EHMT1: variants seen among roughly 807,000 people sequenced by gnomAD.
EHMT1 encodes the protein euchromatic histone lysine methyltransferase 1, also known as histone-lysine N-methyltransferase EHMT1.
A neutral mutation model predicts 147.2 loss-of-function variants in EHMT1; 15 were observed. The ratio of observed to expected loss-of-function variants is 0.10; its 90% CI spans 0.07 to 0.16. The LOEUF is 0.16. Among genes scored for constraint, EHMT1 ranks in the 10% least tolerant of loss-of-function variants. The pLI is 1.00. For missense variants in EHMT1, 1,587 were observed against 1,772.4 expected (o/e 0.90, Z 1.88); for synonymous variants, 795 against 709.6 (o/e 1.12, Z -1.91).
chr9:137,717,682 G>A lies in EHMT1; in HGVS notation c.642+500G>A, dbSNP rs572162757. Among the ~76,000 whole-genome samples, 29 of 151,500 alleles carry A rather than the reference G, an allele frequency of 1.9e-4. No homozygotes were observed. The South Asian group carries it at 6.1e-3, about 32-fold the overall frequency. The stretch of plus-strand genomic sequence containing the variant: ...ACAAAGCGGAGTGATGCCAGGTGAC[G>A]CCTCGCTTCCTTCTTGTGCTTTCTC... On this transcript the variant is annotated intron_variant, in intron 3 of 26. Transcript: ENST00000460843.
At position 137,725,765 on chromosome 9, in the gene EHMT1, G is replaced by C. The variant is rs567149172; in HGVS notation, c.643-2584G>C. On this transcript the variant is annotated intron_variant, in intron 3 of 26. Transcript: ENST00000460843. ...ACAGACAGAGTGCGCCTGTGAGACA[G>C]AGAGAGGTGGAGACCGTGAGGCCGT... 3.9e-5 allele frequency among the ~76,000 whole-genome samples: 6 copies of C among 152,068 alleles called. No homozygotes were observed. The South Asian group carries it at 1.2e-3, about 32-fold the overall frequency.
intron 14 of EHMT1, among the ~76,000 whole-genome samples, chr9:137,781,810 T>G (rs1390737531): frequency 2.0e-5 from 3 of 152,184 alleles, no homozygotes; most frequent in Admixed American, 2.0e-4. Flanking sequence ...ACCAGCAGTT[T>G]TAATCATTTT....
chr9:137,728,422 A>G lies in EHMT1; in HGVS notation c.716A>G (p.Lys239Arg), dbSNP rs778733047. ...DHKEPKEEIN[K>R]NISDFGRQQL... ...AAGGAACCAAAAGAGGAGATCAACAAAAACATTTCTGACTTTGGACGACAG... is the reference window on the plus strand; with the variant it reads ...AAGGAACCAAAAGAGGAGATCAACAGAAACATTTCTGACTTTGGACGACAG... The change falls in exon 4 of 27, where the codon AAA becomes AGA. Residue 239 changes from lysine to arginine, a missense_variant. Lys to Arg is a conservative substitution (Grantham distance 26). This residue lies in a region of EHMT1 where 810 missense variants were observed against 673.0 expected (regional missense o/e 1.20). Transcript: ENST00000460843. The G allele has an allele frequency of 1.4e-5, 22 of 1,614,082 alleles. No individual in the cohort carries two copies. Among genetic ancestry groups the G allele is most frequent in the Non-Finnish European group, 1.9e-5 (22 of 1,180,054 alleles).
At chr9:137,681,917 A>G (rs1360949025) in intron 1 of EHMT1, among the ~76,000 whole-genome samples, 1 of 151,768 alleles carries the variant, frequency 6.6e-6, no homozygotes, top group Non-Finnish European at 1.5e-5. Context: ...CTCTCCTCAC[A>G]GTGAAACCGT....
intron 1 of EHMT1, among the ~76,000 whole-genome samples, chr9:137,634,843 C>A (rs781292804): frequency 2.1e-5 from 3 of 146,298 alleles, no homozygotes; most frequent in Non-Finnish European, 4.5e-5. Context: ...GCTGGGACTA[C>A]AGGCGCCCCC....
chr9:137,646,086 G>A (rs1052572240), intron 1 of EHMT1, among the ~76,000 whole-genome samples: 1 of 152,138 alleles, frequency 6.6e-6, no homozygotes, highest in African/African-American at 2.4e-5. Context: ...AGCCTCCCGC[G>A]TAGCTGGGAT....
chr9:137,680,495 T>A (rs1174731530), intron 1 of EHMT1, among the ~76,000 whole-genome samples: 1 of 152,164 alleles, frequency 6.6e-6, no homozygotes, highest in Non-Finnish European at 1.5e-5. Context: ...ATCAAGTGGG[T>A]CATAATTTGC....
Position 137,812,699 on chromosome 9 carries a change from T to A in EHMT1, c.2868-307T>A, listed in dbSNP as rs73578859. On this transcript the variant is annotated intron_variant, in intron 19 of 26. Transcript: ENST00000460843. ...TCCCTCCTTGCTTCCCTTCTTATCCTTGAGGGTAAATTTGAATGAAAAATC... is the reference window on the plus strand; with the variant it reads ...TCCCTCCTTGCTTCCCTTCTTATCCATGAGGGTAAATTTGAATGAAAAATC... 0.014 allele frequency among the ~76,000 whole-genome samples: 2,183 copies of A among 152,362 alleles called. 56 individuals are homozygous for A. The highest frequency in any genetic ancestry group is 0.049 in the African/African-American group (2,034 of 41,588).
chr9:137,772,495 C>T (rs1311178997), intron 10 of EHMT1, among the ~76,000 whole-genome samples: 1 of 152,170 alleles, frequency 6.6e-6, no homozygotes, highest in Non-Finnish European at 1.5e-5. Flanking sequence ...GCATGGACCT[C>T]GTCTGAGGCT....
chr9:137,663,774 A>G (rs1251523508), intron 1 of EHMT1, among the ~76,000 whole-genome samples: 3 of 152,246 alleles, frequency 2.0e-5, no homozygotes, highest in South Asian at 2.1e-4. Flanking sequence ...GGGAATAACA[A>G]TGTCTATAAC....
At chr9:137,771,465 G>T (rs867058487) in intron 10 of EHMT1, among the ~76,000 whole-genome samples, 5 of 152,246 alleles carry the variant, frequency 3.3e-5, no homozygotes, top group African/African-American at 1.2e-4. Flanking sequence ...GTTTACAGCC[G>T]TGAGCCATTG....
At chr9:137,638,984 A>G (rs1486933423) in intron 1 of EHMT1, among the ~76,000 whole-genome samples, 1 of 152,154 alleles carries the variant, frequency 6.6e-6, no homozygotes, top group Admixed American at 6.5e-5. Flanking sequence ...GAGACCATAC[A>G]TTTCTATTGT....
intron 1 of EHMT1, among the ~76,000 whole-genome samples, chr9:137,681,728 C>T (rs2134562369): frequency 6.6e-6 from 1 of 152,244 alleles, no homozygotes; most frequent in African/African-American, 2.4e-5. Flanking sequence ...TCCCCTGCAC[C>T]TCTGGATCGC....
At chr9:137,794,249 A>G (rs1952736390) in intron 16 of EHMT1, among the ~76,000 whole-genome samples, 1 of 152,210 alleles carries the variant, frequency 6.6e-6, no homozygotes, top group Non-Finnish European at 1.5e-5. Context: ...CTTATTTTCA[A>G]TTTTTATTAT....
intron 1 of EHMT1, among the ~76,000 whole-genome samples, chr9:137,667,739 A>T (rs1307580437): frequency 6.6e-6 from 1 of 152,156 alleles, no homozygotes; most frequent in Non-Finnish European, 1.5e-5. Flanking sequence ...TCTTGAAAGG[A>T]AATTGTCTAC....
At chr9:137,709,521 G>A (rs867569460) in intron 1 of EHMT1, among the ~76,000 whole-genome samples, 1 of 152,192 alleles carries the variant, frequency 6.6e-6, no homozygotes. Flanking sequence ...CCATATGGAT[G>A]TGAGCCCTGG....
Position 137,762,902 on chromosome 9 carries a change from C to G in EHMT1, c.1647+82C>G, listed in dbSNP as rs79721954. The G allele has an allele frequency of 2.0e-3, 3,176 of 1,584,522 alleles. 34 individuals are homozygous for G. The African/African-American group carries it at 0.033, about 17-fold the overall frequency. ...CCCAGCAGGGGCCCCGACAGCCCCT[C>G]GAGTGAGTTGTGCTGCGTGACCAGG... On this transcript the variant is annotated intron_variant, in intron 10 of 26. Transcript: ENST00000460843.
At chr9:137,683,592 T>C (rs11137179) in intron 1 of EHMT1, among the ~76,000 whole-genome samples, 38,571 of 152,204 alleles carry the variant, frequency 0.25, 5,576 homozygotes, top group Admixed American at 0.37. Flanking sequence ...GGCTATGATG[T>C]AGATTTTTTT....
At chr9:137,699,873 T>C (rs1943696354) in intron 1 of EHMT1, among the ~76,000 whole-genome samples, 1 of 152,166 alleles carries the variant, frequency 6.6e-6, no homozygotes, top group African/African-American at 2.4e-5. Context: ...CAAGCAAATA[T>C]GTATATGCTG....
Sources: allele counts gnomAD v4.1 joint callset (sites outside exome capture counted in the v4.1 genomes callset), GRCh38; gene constraint gnomAD v4.1.1; regional missense constraint gnomAD v4.1.1; transcripts MANE v1.5; gene names NCBI Gene and HGNC (gene_info 2026-07-23, HGNC 2026-07-21).